UTP11: variants seen among roughly 807,000 people sequenced by gnomAD.
The protein encoded by UTP11 is probable U3 small nucleolar RNA-associated protein 11.
Under a neutral mutation model 39.0 loss-of-function variants are expected in UTP11, and 29 were observed. That is an observed-to-expected ratio of 0.74 (90% CI 0.55 to 1.01). The LOEUF (loss-of-function observed/expected upper bound fraction) is 1.01. UTP11 is among the 50% of genes least tolerant of loss of function. The pLI, the probability that UTP11 is intolerant of heterozygous loss-of-function variation, is 0.00. For synonymous variants in UTP11, 111 were observed against 105.0 expected (o/e 1.06, Z -0.35); for missense variants, 281 against 306.0 (o/e 0.92, Z 0.61).
At chr1:38,016,254 T>A (rs2148736974) in intron 1 of UTP11, 105 bp from the exon 2 acceptor site, 2 of 1,168,710 alleles carry the variant, frequency 1.7e-6, no homozygotes, top group Admixed American at 3.6e-5. Flanking sequence ...AGGACTGGAT[T>A]TACTGAGCAC....
intron 7 of UTP11, 144 bp from the exon 8 acceptor site, chr1:38,023,401 C>T: frequency 1.7e-6 from 1 of 602,610 alleles, no homozygotes; most frequent in Non-Finnish European, 2.9e-6. Context: ...TCATTGCCTA[C>T]AGTGGATGCC....
chr1:38,018,864 G>A (rs1646720487), intron 4 of UTP11, among the ~76,000 whole-genome samples, 195 bp from the exon 5 acceptor site: 2 of 152,206 alleles, frequency 1.3e-5, no homozygotes, highest in Admixed American at 1.3e-4. Flanking sequence ...GACTGTTGCA[G>A]GGATTAAGTG....
chr1:38,012,761 G>T lies in UTP11; in HGVS notation c.-42G>T. On this transcript the variant is annotated 5_prime_UTR_variant, in exon 1 of 8. Transcript: ENST00000373014. ...TGGACTTGGCGGCAGAGGCAGTGCG[G>T]ATCCGGCGTTCTCCACTGATCTTTT... The T allele has an allele frequency of 2.5e-6, 4 of 1,613,652 alleles. No homozygotes were observed. Among genetic ancestry groups the T allele is most frequent in the East Asian group, 4.5e-5 (2 of 44,876 alleles).
intron 6 of UTP11, among the ~76,000 whole-genome samples, chr1:38,021,230 A>G (rs1007222834): frequency 1.3e-5 from 2 of 152,130 alleles, no homozygotes; most frequent in Non-Finnish European, 2.9e-5. Context: ...AATTAGGTGT[A>G]CTTTCAATTA....
At chr1:38,022,911 C>A (rs930970293) in intron 7 of UTP11, 102 bp downstream of exon 7, 11 of 811,004 alleles carry the variant, frequency 1.4e-5, no homozygotes, top group African/African-American at 8.7e-5. Flanking sequence ...TAAATCAACC[C>A]CAGTGAAAAT....
rs1347748081 is a variant in UTP11 at position 38,019,400 on chromosome 1, T to C, written c.567+17T>C. On this transcript the variant is annotated intron_variant, in intron 6 of 7. Transcript: ENST00000373014. ...GGACTTAAGGTAATTTTCTCTGTTGTTCTTCACATGTGAGCTTAGGGGAAT... is the reference window on the plus strand; with the variant it reads ...GGACTTAAGGTAATTTTCTCTGTTGCTCTTCACATGTGAGCTTAGGGGAAT... 1 of 1,608,172 alleles carries C rather than the reference T, an allele frequency of 6.2e-7. No individual in the cohort carries two copies. The highest frequency in any genetic ancestry group is 1.7e-5 in the Admixed American group (1 of 59,418).
At chr1:38,014,990 T>C (rs971816487) in intron 1 of UTP11, among the ~76,000 whole-genome samples, 1 of 152,160 alleles carries the variant, frequency 6.6e-6, no homozygotes, top group African/African-American at 2.4e-5. Flanking sequence ...AAGATGACTG[T>C]TAAAAATCCT....
Position 38,023,723 on chromosome 1 carries a change from G to C in UTP11, c.*95G>C, listed in dbSNP as rs967910274. On this transcript the variant is annotated 3_prime_UTR_variant, in exon 8 of 8. Transcript: ENST00000373014. ...ATTACTCCAAATGGCATGGTTTTCC[G>C]GTTTGTAACCATAACTAAATTGTCA... The C allele has an allele frequency of 4.7e-6, 5 of 1,064,400 alleles. No individual in the cohort carries two copies. Among genetic ancestry groups the C allele is most frequent in the Non-Finnish European group, 5.4e-6 (4 of 746,202 alleles). 65.9% of individuals were successfully genotyped at this position (1,064,400 alleles called of 1,614,324 possible). A position where few individuals can be genotyped will look rare whatever the true frequency, so the allele number is the denominator to read the frequency against.
intron 3 of UTP11, 91 bp downstream of exon 3, chr1:38,017,861 T>C (rs1646715298): frequency 1.7e-6 from 2 of 1,153,910 alleles, no homozygotes; most frequent in Non-Finnish European, 2.5e-6. Flanking sequence ...TCGTTGGCCT[T>C]AATTTAACCC....
chr1:38,023,563 A>G lies in UTP11; in HGVS notation c.697A>G (p.Lys233Glu). 2 of 1,611,008 alleles carry G rather than the reference A, an allele frequency of 1.2e-6. No homozygotes were observed. The highest frequency in any genetic ancestry group is 2.2e-5 in the South Asian group (2 of 90,214). ...KDLMDKTQKV[K>E]VKKETVNSPA... ...TTTGTAGGATAAAACTCAGAAAGTG[A>G]AGGTGAAGAAAGAAACGGTGAACTC... Residue 233 changes from lysine to glutamate, a missense_variant, in exon 8 of 8, where the codon AAG (lysine) becomes GAG (glutamate). Transcript: ENST00000373014.
intron 1 of UTP11, among the ~76,000 whole-genome samples, chr1:38,015,077 C>T (rs1427857676): frequency 2.0e-5 from 3 of 152,102 alleles, no homozygotes; most frequent in Admixed American, 1.3e-4. Flanking sequence ...GGCTGGAGTG[C>T]GATGGTGTGA....
intron 1 of UTP11, among the ~76,000 whole-genome samples, chr1:38,013,243 C>T (rs2148735951): frequency 6.6e-6 from 1 of 151,932 alleles, no homozygotes; most frequent in Middle Eastern, 3.4e-3. Context: ...GCAGCTCCGC[C>T]TGCTGCATAT....
chr1:38,022,344 A>G (rs954951472), intron 6 of UTP11, among the ~76,000 whole-genome samples: 5 of 152,102 alleles, frequency 3.3e-5, no homozygotes, highest in South Asian at 2.1e-4. Context: ...GGGTTTCGAT[A>G]AGATAGTCTA....
chr1:38,021,545 A>G (rs576041429), intron 6 of UTP11, among the ~76,000 whole-genome samples: 1 of 152,338 alleles, frequency 6.6e-6, no homozygotes, highest in Admixed American at 6.5e-5. Context: ...TTTTGTGCAG[A>G]TAGGTATATG....
Position 38,024,164 on chromosome 1 carries a change from G to A in UTP11, c.*536G>A, listed in dbSNP as rs925727268. 6.6e-6 allele frequency: 1 copy of A among 152,128 alleles called. No homozygotes were observed. The highest frequency in any genetic ancestry group is 2.4e-5 in the African/African-American group (1 of 41,408). The allele number at this position is 152,128 out of a possible 1,614,324, so 9.4% of individuals were successfully genotyped here. A position where few individuals can be genotyped will look rare whatever the true frequency, so the allele number is the denominator to read the frequency against. On this transcript the variant is annotated 3_prime_UTR_variant, in exon 8 of 8. Coordinates refer to ENST00000373014, the MANE Select transcript of UTP11 (RefSeq NM_016037.4). ...ATAATTTTTTTTGTTATGAAACATA[G>A]GATCTCATTACAGCAGATTTGGAAA...
chr1:38,012,775 C>T lies in UTP11; in HGVS notation c.-28C>T. On this transcript the variant is annotated 5_prime_UTR_variant, in exon 1 of 8. Coordinates refer to ENST00000373014, the MANE Select transcript of UTP11 (RefSeq NM_016037.4). Reference sequence around the variant, plus strand: ...GAGGCAGTGCGGATCCGGCGTTCTCCACTGATCTTTTCCAAGGCTGTACAG... The same window carrying T: ...GAGGCAGTGCGGATCCGGCGTTCTCTACTGATCTTTTCCAAGGCTGTACAG... 1.9e-6 allele frequency: 3 copies of T among 1,614,160 alleles called. No homozygotes were observed. Among genetic ancestry groups the T allele is most frequent in the South Asian group, 2.2e-5 (2 of 91,084 alleles).
chr1:38,012,848 C>T lies in UTP11; in HGVS notation c.46C>T (p.His16Tyr), dbSNP rs1277933687. 3.5e-5 allele frequency: 57 copies of T among 1,614,124 alleles called. No individual in the cohort carries two copies. Among genetic ancestry groups the T allele is most frequent in the Non-Finnish European group, 4.6e-5 (54 of 1,180,058 alleles). The change falls in exon 1 of 8, where the codon CAC (histidine) becomes TAC (tyrosine). Residue 16 changes from histidine (H) to tyrosine (Y), a missense_variant. By Grantham distance (83) the His-to-Tyr change is moderately conservative. Transcript: ENST00000373014. ...RKAAKSRQREHRERSQPGFRK... is the reference protein window; with the variant it reads ...RKAAKSRQREYRERSQPGFRK... Reference sequence around the variant, plus strand: ...GGCGGCTAAGTCCCGGCAGCGGGAACACAGAGAGCGAAGCCAGGTAGGACC... The same window carrying T: ...GGCGGCTAAGTCCCGGCAGCGGGAATACAGAGAGCGAAGCCAGGTAGGACC...
In UTP11 at chr1:38,016,619, C is replaced by T. The variant is rs1570499288; in HGVS notation, c.125+199C>T. On this transcript the variant is annotated intron_variant, in intron 2 of 7. Transcript: ENST00000373014. ...TTTAGGCAGATCATTATTTATTTAACTGTAGTTGCATTGTGAATTATTTGT... is the reference window on the plus strand; with the variant it reads ...TTTAGGCAGATCATTATTTATTTAATTGTAGTTGCATTGTGAATTATTTGT... 5 of 565,508 alleles carry T rather than the reference C, an allele frequency of 8.8e-6. No homozygotes were observed. In the East Asian group the frequency reaches 1.5e-4, roughly 17 times the overall value. The allele number at this position is 565,508 out of a possible 1,614,324, so 35.0% of individuals were successfully genotyped here. A position where few individuals can be genotyped will look rare whatever the true frequency, so the allele number is the denominator to read the frequency against.
chr1:38,013,336 T>C (rs1646688990), intron 1 of UTP11, among the ~76,000 whole-genome samples: 1 of 152,244 alleles, frequency 6.6e-6, no homozygotes, highest in Non-Finnish European at 1.5e-5. Flanking sequence ...ATCTGCCATA[T>C]GTGCTTTTTG....
Sources: allele counts gnomAD v4.1 joint callset (sites outside exome capture counted in the v4.1 genomes callset), GRCh38; gene constraint gnomAD v4.1.1; transcripts MANE v1.5; gene names NCBI Gene and HGNC (gene_info 2026-07-23, HGNC 2026-07-21).